Variants in MDGA2 observed in about 807,000 individuals in gnomAD.
MDGA2 encodes the protein MAM domain-containing glycosylphosphatidylinositol anchor protein 2.
MDGA2 carries 40 observed loss-of-function variants against 117.8 expected under a neutral mutation model. That is an observed-to-expected ratio of 0.34 (90% CI 0.26 to 0.44). MDGA2 has a LOEUF of 0.44. MDGA2 is among the 20% of genes least tolerant of loss of function. The pLI, the probability that MDGA2 is intolerant of heterozygous loss-of-function variation, is 1.00. For missense variants in MDGA2, 1,123 were observed against 1,250.6 expected, an observed-to-expected ratio of 0.90 and a Z score of 1.54; for synonymous variants, 452 against 439.0, an observed-to-expected ratio of 1.03 and a Z score of -0.37.
At chr14:47,613,700 A>G (rs185178662) in intron 1 of MDGA2, among the ~76,000 whole-genome samples, 1 of 152,308 alleles carries the variant, frequency 6.6e-6, no homozygotes, top group African/African-American at 2.4e-5. Context: ...TGAATGATAC[A>G]TATCTGTCCT....
chr14:47,178,641 C>G (rs1185763594), intron 3 of MDGA2, among the ~76,000 whole-genome samples: 1 of 152,106 alleles, frequency 6.6e-6, no homozygotes, highest in South Asian at 2.1e-4. Context: ...TTTGGAATAA[C>G]TCACAATTCA....
intron 1 of MDGA2, among the ~76,000 whole-genome samples, chr14:47,342,290 TTA>T (rs56707666): frequency 0.17 from 24,298 of 146,760 alleles, 2,416 homozygotes; most frequent in South Asian, 0.33. Context: ...ATAAAATATG[TTA>T]TATATATAAA....
At chr14:47,529,005 T>A (rs976477278) in intron 1 of MDGA2, among the ~76,000 whole-genome samples, 1 of 77,774 alleles carries the variant, frequency 1.3e-5, no homozygotes, top group African/African-American at 4.4e-5. Context: ...AACTTTAAAC[T>A]TTTTTTTTTT....
intron 1 of MDGA2, among the ~76,000 whole-genome samples, chr14:47,440,794 T>C (rs1013047455): frequency 2.0e-5 from 3 of 152,058 alleles, no homozygotes; most frequent in Non-Finnish European, 4.4e-5. Flanking sequence ...TATGCTTTCA[T>C]GGGGGAAATA....
intron 8 of MDGA2, among the ~76,000 whole-genome samples, chr14:46,995,947 AC>A (rs1887272867): frequency 6.6e-6 from 1 of 151,946 alleles, no homozygotes; most frequent in African/African-American, 2.4e-5. Flanking sequence ...AAAAATGAAG[AC>A]CGCATTTCAT....
intron 1 of MDGA2, among the ~76,000 whole-genome samples, chr14:47,434,008 C>A (rs577689565): frequency 4.0e-4 from 61 of 151,838 alleles, no homozygotes; most frequent in Non-Finnish European, 6.6e-4. Flanking sequence ...TAAACCATTG[C>A]TAAATAATAA....
At chr14:47,553,446 T>C (rs1895624577) in intron 1 of MDGA2, among the ~76,000 whole-genome samples, 1 of 152,178 alleles carries the variant, frequency 6.6e-6, no homozygotes, top group Admixed American at 6.5e-5. Context: ...AATTAACTTG[T>C]TAAGTAATAT....
At chr14:47,352,995 AC>A (rs1890917334) in intron 1 of MDGA2, among the ~76,000 whole-genome samples, 1 of 152,196 alleles carries the variant, frequency 6.6e-6, no homozygotes, top group Non-Finnish European at 1.5e-5. Context: ...TAGACAGTAC[AC>A]CCTGAAAGAG....
Position 47,176,654 on chromosome 14 carries a change from T to G in MDGA2, c.596-32380A>C, listed in dbSNP as rs978885517. Among the ~76,000 whole-genome samples the G allele has an allele frequency of 1.7e-3, 260 of 152,124 alleles. 2 individuals carry two copies. Among genetic ancestry groups the G allele is most frequent in the Middle Eastern group, 3.4e-3 (1 of 294 alleles). Reference sequence around the variant, plus strand: ...ACACCTTATACAAAAATTAATTCAATATGGATTAAAGACTTAAATGTTAGA... The same window carrying G: ...ACACCTTATACAAAAATTAATTCAAGATGGATTAAAGACTTAAATGTTAGA... On this transcript the variant is annotated intron_variant, in intron 3 of 16. Coordinates refer to ENST00000399232, the MANE Select transcript of MDGA2 (RefSeq NM_001113498.3).
intron 14 of MDGA2, among the ~76,000 whole-genome samples, chr14:46,859,013 G>C (rs898436305): frequency 6.6e-6 from 1 of 152,106 alleles, no homozygotes; most frequent in African/African-American, 2.4e-5. Context: ...TACTAATGCA[G>C]ATCTGTGAAA....
intron 1 of MDGA2, among the ~76,000 whole-genome samples, chr14:47,364,348 T>G (rs907363961): frequency 1.3e-5 from 2 of 152,232 alleles, no homozygotes; most frequent in African/African-American, 4.8e-5. Flanking sequence ...CACTGCAAGC[T>G]CTGCCTCCCG....
At chr14:46,845,178 C>T (rs533434662) in intron 16 of MDGA2, among the ~76,000 whole-genome samples, 5 of 152,284 alleles carry the variant, frequency 3.3e-5, no homozygotes, top group Admixed American at 3.3e-4. Flanking sequence ...CCACCGCGCC[C>T]GGCCGATCTG....
intron 1 of MDGA2, among the ~76,000 whole-genome samples, chr14:47,477,049 C>T (rs1327649768): frequency 6.6e-6 from 1 of 152,180 alleles, no homozygotes; most frequent in Non-Finnish European, 1.5e-5. Context: ...GTAATCCCAG[C>T]TACTGGGGAG....
chr14:47,146,631 C>T (rs1380772281), intron 3 of MDGA2, among the ~76,000 whole-genome samples: 4 of 152,094 alleles, frequency 2.6e-5, no homozygotes, highest in African/African-American at 9.7e-5. Flanking sequence ...AAACAATTTA[C>T]TTTTTTTCTT....
chr14:47,106,540 C>T (rs895262606), intron 5 of MDGA2, among the ~76,000 whole-genome samples: 3 of 151,864 alleles, frequency 2.0e-5, no homozygotes, highest in Non-Finnish European at 2.9e-5. Context: ...TGCGGGACCC[C>T]ACTGAAAATC....
chr14:47,077,244 T>C lies in MDGA2; in HGVS notation c.1196-15666A>G, dbSNP rs1465263382. 2.2e-4 allele frequency among the ~76,000 whole-genome samples: 34 copies of C among 152,098 alleles called. 1 individual carries two copies. The highest frequency in any genetic ancestry group is 4.9e-4 in the Non-Finnish European group (33 of 67,962). ...GCAGGCATGCATTTTTTACTTTGTG[T>C]CAGTTGCTTTTCGTTTTGGTCATTT... On this transcript the variant is annotated intron_variant, in intron 6 of 16. Transcript: ENST00000399232.
intron 1 of MDGA2, among the ~76,000 whole-genome samples, chr14:47,515,051 T>C (rs545549225): frequency 4.7e-4 from 72 of 152,294 alleles, no homozygotes; most frequent in African/African-American, 1.7e-3. Context: ...CTTATAAACT[T>C]TACTGAATAA....
intron 1 of MDGA2, among the ~76,000 whole-genome samples, chr14:47,405,768 C>T (rs1892248178): frequency 6.6e-6 from 1 of 152,084 alleles, no homozygotes; most frequent in Non-Finnish European, 1.5e-5. Context: ...ATTTAAAGTG[C>T]TTGAATTGCT....
intron 8 of MDGA2, among the ~76,000 whole-genome samples, chr14:46,963,363 C>T (rs747564890): frequency 1.3e-5 from 2 of 152,162 alleles, no homozygotes; most frequent in African/African-American, 2.4e-5. Flanking sequence ...TTGTCAAATG[C>T]GTGTTTAACA....
Sources: gnomAD v4.1 joint callset for allele counts (sites outside exome capture counted in the v4.1 genomes callset) on GRCh38, gnomAD v4.1.1 for gene constraint, MANE v1.5 for transcripts, NCBI Gene and HGNC (gene_info 2026-07-23, HGNC 2026-07-21) for gene names.